ZAN: variants seen among roughly 807,000 people sequenced by gnomAD.
ZAN encodes the protein zonadhesin.
ZAN carries 260 observed loss-of-function variants against 286.2 expected under a neutral mutation model. That is an observed-to-expected ratio of 0.91 (90% CI 0.82 to 1.01). ZAN has a LOEUF of 1.01. ZAN is among the 50% of genes least tolerant of loss of function. ZAN has a pLI of 0.00. For missense variants in ZAN, 3,410 were observed against 3,639.2 expected (o/e 0.94, Z 1.62); for synonymous variants, 1,368 against 1,417.5 (o/e 0.97, Z 0.79).
chr7:100,754,881 A>G (rs1479165586), intron 14 of ZAN, among the ~76,000 whole-genome samples: 2 of 151,954 alleles, frequency 1.3e-5, no homozygotes, highest in Admixed American at 1.3e-4. Flanking sequence ...GCCTCAAGTG[A>G]TCTGTCCGCC....
At position 100,758,560 on chromosome 7, in the gene ZAN, G is replaced by T; in HGVS notation, c.3481G>T (p.Asp1161Tyr). 2 of 1,564,396 alleles carry T rather than the reference G, an allele frequency of 1.3e-6. No homozygotes were observed. The highest frequency in any genetic ancestry group is 1.7e-6 in the Non-Finnish European group (2 of 1,154,408). The change falls in exon 17 of 48, where the codon GAC becomes TAC. Residue 1161 changes from aspartate (D) to tyrosine (Y), a missense_variant. Transcript: ENST00000613979. ...AGTATCLVYG[D>Y]PHYVTFDGRH... ...CACTGCCACCTGCTTGGTCTACGGA[G>T]ACCCTCATTATGTCACCTTTGACGG...
intron 11 of ZAN, 130 bp downstream of exon 11, chr7:100,748,600 G>C: frequency 1.6e-6 from 2 of 1,290,252 alleles, no homozygotes; most frequent in South Asian, 1.5e-5. Context: ...TGTTTTTTCG[G>C]AAGTTTCCAT....
At chr7:100,770,509 A>T (rs1810302872) in intron 28 of ZAN, among the ~76,000 whole-genome samples, 1 of 150,152 alleles carries the variant, frequency 6.7e-6, no homozygotes, top group Non-Finnish European at 1.5e-5. Context: ...GTCTCAAAAA[A>T]AAAAAAAAAA....
intron 6 of ZAN, 21 bp downstream of exon 6, chr7:100,737,370 C>T: frequency 1.4e-6 from 2 of 1,396,816 alleles, no homozygotes; most frequent in Non-Finnish European, 1.9e-6. Flanking sequence ...GTCCCTCCTC[C>T]CGCCTGCCCT....
rs189208205 is a variant in ZAN at position 100,773,490 on chromosome 7, C to T, written c.5631C>T (p.His1877=). Residue 1877 remains histidine, a synonymous_variant, in exon 30 of 48, where the codon CAC becomes CAT. Coordinates refer to ENST00000613979, the MANE Select transcript of ZAN (RefSeq NM_003386.3). ...GCACTGACCCAGCGGGCTCCTACCA[C>T]CCGGTGAGAGGCCAGCTAGGAGGGG... The part of the protein sequence containing the change: ...CGCTDPAGSY[H]PVGERWYTEN... The T allele has an allele frequency of 2.9e-5, 47 of 1,613,458 alleles. No individual in the cohort carries two copies. The African/African-American group carries it at 5.9e-4, about 20-fold the overall frequency.
Position 100,767,134 on chromosome 7 carries a change from C to G in ZAN, c.4737C>G (p.Ser1579Arg), listed in dbSNP as rs373487302. 6.2e-7 allele frequency: 1 copy of G among 1,613,970 alleles called. No homozygotes were observed. Among genetic ancestry groups the G allele is most frequent in the African/African-American group, 1.3e-5 (1 of 75,044 alleles). Residue 1579 changes from serine (S) to arginine (R), a missense_variant, in exon 25 of 48, where the codon AGC (serine) becomes AGG (arginine). Physicochemically the swap from Ser to Arg is moderately radical, Grantham distance 110. Coordinates refer to ENST00000613979, the MANE Select transcript of ZAN (RefSeq NM_003386.3). ...TRPCWSRSQD[S>R]YFVVSATNEN... Reference sequence around the variant, plus strand: ...CTTGCTGGTCCAGGTCCCAAGACAGCTATTTTGTTGTGAGCGCCACCAACG... The same window carrying G: ...CTTGCTGGTCCAGGTCCCAAGACAGGTATTTTGTTGTGAGCGCCACCAACG...
chr7:100,777,352 T>C (rs1409916432), intron 34 of ZAN, among the ~76,000 whole-genome samples: 1 of 151,152 alleles, frequency 6.6e-6, no homozygotes, highest in African/African-American at 2.4e-5. Context: ...CTCTAGCTTT[T>C]CTTTTTTTCT....
chr7:100,768,766 G>A (rs1810188670), intron 27 of ZAN, 45 bp downstream of exon 27: 13 of 1,518,822 alleles, frequency 8.6e-6, no homozygotes, highest in Non-Finnish European at 1.2e-5. Flanking sequence ...GCTGGGCCTG[G>A]GAAGGGCCTC....
chr7:100,788,186 G>T lies in ZAN; in HGVS notation c.7227+50G>T, dbSNP rs755372516. Reference sequence around the variant, plus strand: ...GGGTGTGGGGAGGCAGCTGGACCAGGTAGGCCACCTGGAGTAGAAGTCAGG... The same window carrying T: ...GGGTGTGGGGAGGCAGCTGGACCAGTTAGGCCACCTGGAGTAGAAGTCAGG... On this transcript the variant is annotated intron_variant, in intron 38 of 47. Transcript: ENST00000613979. The T allele has an allele frequency of 4.9e-6, 7 of 1,430,826 alleles. No homozygotes were observed. The East Asian group carries it at 1.7e-4, about 34-fold the overall frequency. The allele number at this position is 1,430,826 out of a possible 1,614,324, so 88.6% of individuals were successfully genotyped here.
At chr7:100,742,199 C>T (rs1285350850) in intron 7 of ZAN, among the ~76,000 whole-genome samples, 10 of 111,666 alleles carry the variant, frequency 9.0e-5, no homozygotes, top group Admixed American at 6.7e-4. Context: ...GGGTCTCGGC[C>T]GGGCAGAAGC....
intron 34 of ZAN, among the ~76,000 whole-genome samples, 179 bp downstream of exon 34, chr7:100,776,743 T>TTTA: frequency 7.7e-6 from 1 of 129,794 alleles, no homozygotes; most frequent in Non-Finnish European, 1.6e-5. Flanking sequence ...TTTTTTTTTT[T>TTTA]GAGACGGAGT....
chr7:100,765,340 T>G lies in ZAN; in HGVS notation c.4268-12T>G, dbSNP rs942735701. 6 of 1,613,206 alleles carry G rather than the reference T, an allele frequency of 3.7e-6. No individual in the cohort carries two copies. Among genetic ancestry groups the G allele is most frequent in the African/African-American group, 1.3e-5 (1 of 75,024 alleles). On this transcript the variant is annotated splice_polypyrimidine_tract_variant and intron_variant, in intron 22 of 47. Transcript: ENST00000613979. The stretch of plus-strand genomic sequence containing the variant: ...TTCGTCTCCTTCTCACCCAAGCTTC[T>G]CCCTCCACCAGCAATGGCCTGCCCG...
intron 13 of ZAN, 73 bp downstream of exon 13, chr7:100,751,339 T>G: frequency 8.9e-7 from 1 of 1,121,848 alleles, no homozygotes; most frequent in Non-Finnish European, 1.2e-6. Flanking sequence ...TATGAACTGC[T>G]TAAAATGTGA....
chr7:100,792,588 G>A lies in ZAN; in HGVS notation c.7787+109G>A, dbSNP rs762589060. ...CTGTGCCGACCCTGACCCCTCTGCC[G>A]TCCACCTCTGCTGAACGCTCTTCCC... On this transcript the variant is annotated intron_variant, in intron 42 of 47. Transcript: ENST00000613979. 38 of 1,543,496 alleles carry A rather than the reference G, an allele frequency of 2.5e-5. No homozygotes were observed. The East Asian group carries it at 4.7e-4, about 19-fold the overall frequency.
chr7:100,771,878 C>A lies in ZAN; in HGVS notation c.5283C>A (p.Pro1761=). ...PFSQCHQVVP[P]QSSFASCVHG... The stretch of plus-strand genomic sequence containing the variant: ...CTCAATGTCACCAGGTGGTGCCTCC[C>A]CAGTCCAGCTTTGCCAGTTGCGTGC... Residue 1761 remains proline (P), a synonymous_variant, in exon 29 of 48, where the codon CCC becomes CCA. Transcript: ENST00000613979. 1 of 1,613,208 alleles carries A rather than the reference C, an allele frequency of 6.2e-7. No individual in the cohort carries two copies. The highest frequency in any genetic ancestry group is 8.5e-7 in the Non-Finnish European group (1 of 1,179,694).
intron 9 of ZAN, 89 bp downstream of exon 9, chr7:100,747,730 C>A: frequency 1.6e-6 from 2 of 1,283,544 alleles, no homozygotes; most frequent in Non-Finnish European, 2.2e-6. Flanking sequence ...GTGGCTCATG[C>A]CTGTATTCCC....
chr7:100,773,946 G>A (rs1418999958), intron 31 of ZAN, 81 bp downstream of exon 31: 27 of 1,506,154 alleles, frequency 1.8e-5, no homozygotes, highest in Non-Finnish European at 2.3e-5. Context: ...CCTGCTGCCT[G>A]TAGCACTGGG....
At chr7:100,746,087 C>T (rs1037525034) in intron 7 of ZAN, among the ~76,000 whole-genome samples, 1 of 151,730 alleles carries the variant, frequency 6.6e-6, no homozygotes, top group Non-Finnish European at 1.5e-5. Flanking sequence ...ATTAGCAGGG[C>T]GTGGTGGCGC....
In ZAN at chr7:100,757,047, C is replaced by T. The variant is rs564023801; in HGVS notation, c.3310-1155C>T. 2.0e-5 allele frequency among the ~76,000 whole-genome samples: 3 copies of T among 152,290 alleles called. No homozygotes were observed. The South Asian group carries it at 6.2e-4, about 32-fold the overall frequency. ...CCTTCCAAAGTGTTGGGATTACAGG[C>T]GTGAGCCACCGCGCCTGGCTGTATT... is the stretch of plus-strand genomic sequence containing the variant. On this transcript the variant is annotated intron_variant, in intron 15 of 47. Transcript: ENST00000613979.
Sources: gnomAD v4.1 joint callset for allele counts (sites outside exome capture counted in the v4.1 genomes callset) on GRCh38, gnomAD v4.1.1 for gene constraint, MANE v1.5 for transcripts, NCBI Gene and HGNC (gene_info 2026-07-23, HGNC 2026-07-21) for gene names.